The following ZDHHC11B variants were observed in gnomAD, a reference collection of about 807,000 sequenced individuals.
ZDHHC11B encodes zDHHC palmitoyltransferase 11B (putative).
A neutral mutation model predicts 42.3 loss-of-function variants in ZDHHC11B; 17 were observed. The observed-to-expected ratio is 0.40, with a 90% CI of 0.27 to 0.60. ZDHHC11B has a LOEUF of 0.60. ZDHHC11B is among the 20% of genes least tolerant of loss of function. ZDHHC11B has a pLI of 0.41. For synonymous variants in ZDHHC11B, 123 were observed against 193.5 expected, an observed-to-expected ratio of 0.64 and a Z score of 3.02; for missense variants, 262 against 463.2, an observed-to-expected ratio of 0.57 and a Z score of 3.99.
intron 12 of ZDHHC11B, among the ~76,000 whole-genome samples, chr5:720,913 C>T (rs1742134160): frequency 6.6e-6 from 1 of 151,510 alleles, no homozygotes; most frequent in African/African-American, 2.4e-5. Context: ...AGTTCAAGTC[C>T]AGCCTGGCAA....
At chr5:775,231 G>T (rs1366148832) in intron 1 of ZDHHC11B, among the ~76,000 whole-genome samples, 2 of 151,942 alleles carry the variant, frequency 1.3e-5, no homozygotes, top group Non-Finnish European at 2.9e-5. Context: ...AGCTCCACCT[G>T]CTCTGGAGAA....
In ZDHHC11B at chr5:743,905, G is replaced by C. The variant is rs7704855; in HGVS notation, c.900+1278C>G. On this transcript the variant is annotated intron_variant, in intron 9 of 13. Transcript: ENST00000508859. The stretch of plus-strand genomic sequence containing the variant: ...AATGTGACTGCAATGTCAGAAGTAG[G>C]AGGAAGTGGTGTCATCACCTGTGCC... Among the ~76,000 whole-genome samples the C allele has an allele frequency of 2.0e-4, 30 of 150,006 alleles. 1 individual carries two copies. The highest frequency in any genetic ancestry group is 6.8e-4 in the African/African-American group (28 of 40,926).
chr5:776,427 AGCACAGGAATG>A (rs1257258021), intron 1 of ZDHHC11B, among the ~76,000 whole-genome samples: 1 of 151,852 alleles, frequency 6.6e-6, no homozygotes, highest in African/African-American at 2.4e-5. Flanking sequence ...GTAAATCCGA[AGCACAGGAATG>A]GCACAGCCCC....
chr5:732,579 G>C (rs1158305823), intron 11 of ZDHHC11B: 1 of 438,138 alleles, frequency 2.3e-6, no homozygotes, highest in African/African-American at 2.0e-5. Context: ...CAGCCTCACT[G>C]TTCCTCCAGG....
At chr5:716,506 A>G (rs1741760728) in intron 13 of ZDHHC11B, among the ~76,000 whole-genome samples, 1 of 151,796 alleles carries the variant, frequency 6.6e-6, no homozygotes, top group Non-Finnish European at 1.5e-5. Flanking sequence ...GGGTGAAAAT[A>G]ATTCTTAGTT....
chr5:723,141 A>G (rs1020080196), intron 12 of ZDHHC11B, among the ~76,000 whole-genome samples: 1 of 150,772 alleles, frequency 6.6e-6, no homozygotes, highest in African/African-American at 2.5e-5. Context: ...TTCCTCCACT[A>G]TCATAAATAA....
intron 12 of ZDHHC11B, among the ~76,000 whole-genome samples, chr5:728,474 T>G (rs188022765): frequency 6.7e-6 from 1 of 149,428 alleles, no homozygotes; most frequent in Non-Finnish European, 1.5e-5. Flanking sequence ...CTTAATATCC[T>G]GTAGTGAACA....
chr5:765,997 C>T lies in ZDHHC11B; in HGVS notation c.222+701G>A, dbSNP rs1482396646. 5.9e-5 allele frequency among the ~76,000 whole-genome samples: 9 copies of T among 151,896 alleles called. No homozygotes were observed. The East Asian group carries it at 1.2e-3, about 19-fold the overall frequency. ...GGTTCCAGTGCCCCAAGGCACCGAA[C>T]GCAGGCCAACTGTTCCCCAGGCCCC... On this transcript the variant is annotated intron_variant, in intron 4 of 13. Coordinates refer to ENST00000508859, the MANE Select transcript of ZDHHC11B (RefSeq NM_001351303.2).
chr5:773,976 TCA>T (rs1736260723), intron 1 of ZDHHC11B, among the ~76,000 whole-genome samples: 1 of 151,882 alleles, frequency 6.6e-6, no homozygotes, highest in South Asian at 2.1e-4. Context: ...ACCACAGACC[TCA>T]GAGTGGGGCA....
At chr5:737,375 A>G (rs1211031609) in intron 10 of ZDHHC11B, among the ~76,000 whole-genome samples, 1 of 149,444 alleles carries the variant, frequency 6.7e-6, no homozygotes, top group African/African-American at 2.5e-5. Flanking sequence ...TCTACCAGGC[A>G]TCCAAAGAAG....
chr5:743,049 T>A (rs1313166023), intron 9 of ZDHHC11B, among the ~76,000 whole-genome samples: 1 of 149,974 alleles, frequency 6.7e-6, no homozygotes, highest in Non-Finnish European at 1.5e-5. Flanking sequence ...TGTACAGGTA[T>A]GAAGAACTCA....
chr5:718,106 T>C (rs1379332181), intron 12 of ZDHHC11B, among the ~76,000 whole-genome samples: 1 of 151,764 alleles, frequency 6.6e-6, no homozygotes, highest in Non-Finnish European at 1.5e-5. Flanking sequence ...CAAATGAAAA[T>C]AAAAGCATGG....
At chr5:742,758 C>A (rs1488224638) in intron 9 of ZDHHC11B, among the ~76,000 whole-genome samples, 1 of 149,534 alleles carries the variant, frequency 6.7e-6, no homozygotes, top group Non-Finnish European at 1.5e-5. Flanking sequence ...AAAACCAAAC[C>A]TGCAGTATCT....
chr5:736,000 A>G (rs1172160889), intron 10 of ZDHHC11B, among the ~76,000 whole-genome samples: 5 of 149,824 alleles, frequency 3.3e-5, no homozygotes, highest in African/African-American at 1.2e-4. Flanking sequence ...ATGGCCTATA[A>G]GCACCATCTA....
rs185929235 is a variant in ZDHHC11B at position 766,948 on chromosome 5, G to A, written c.1-29C>T. On this transcript the variant is annotated intron_variant, in intron 3 of 13. Transcript: ENST00000508859. ...CAGGACACAGAAGGGGAGGACCTGCGCCATCAGCTCCGGGGAGGGCCGGCC... is the reference window on the plus strand; with the variant it reads ...CAGGACACAGAAGGGGAGGACCTGCACCATCAGCTCCGGGGAGGGCCGGCC... 451 of 1,604,048 alleles carry A rather than the reference G, an allele frequency of 2.8e-4. 2 individuals carry two copies. The African/African-American group carries it at 5.1e-3, about 18-fold the overall frequency.
At chr5:739,449 G>A (rs189926301) in intron 10 of ZDHHC11B, among the ~76,000 whole-genome samples, 409 of 150,992 alleles carry the variant, frequency 2.7e-3, no homozygotes, top group African/African-American at 9.5e-3. Context: ...CAAAAAGTGG[G>A]CAACATTCAT....
Position 762,451 on chromosome 5 carries a change from C to T in ZDHHC11B, c.222+4247G>A, listed in dbSNP as rs542804450. On this transcript the variant is annotated intron_variant, in intron 4 of 13. Transcript: ENST00000508859. ...CTGGCAAGGCTCTCTGTGAGACCAGCTGGACCCAGCCCATTTCAGACTTGT... is the reference window on the plus strand; with the variant it reads ...CTGGCAAGGCTCTCTGTGAGACCAGTTGGACCCAGCCCATTTCAGACTTGT... 1.0e-3 allele frequency among the ~76,000 whole-genome samples: 152 copies of T among 151,956 alleles called. 4 individuals are homozygous for T. Among genetic ancestry groups the T allele is most frequent in the Non-Finnish European group, 1.8e-3 (124 of 67,918 alleles).
chr5:717,421 G>C (rs1359065096), intron 12 of ZDHHC11B, among the ~76,000 whole-genome samples: 2 of 151,704 alleles, frequency 1.3e-5, no homozygotes, highest in African/African-American at 4.9e-5. Context: ...AGACTTTCCA[G>C]AGGGTTGGGG....
intron 1 of ZDHHC11B, among the ~76,000 whole-genome samples, chr5:784,058 G>A (rs1737073453): frequency 6.6e-6 from 1 of 151,558 alleles, no homozygotes. Context: ...ATCGCCACAG[G>A]CCCGCGGACA....
Sources: gnomAD v4.1 joint callset for allele counts (sites outside exome capture counted in the v4.1 genomes callset) on GRCh38, gnomAD v4.1.1 for gene constraint, MANE v1.5 for transcripts, NCBI Gene and HGNC (gene_info 2026-07-23, HGNC 2026-07-21) for gene names.